Variants in TUSC3 observed in about 807,000 individuals in gnomAD.
TUSC3 encodes the protein tumor suppressor candidate 3, also known as dolichyl-diphosphooligosaccharide--protein glycosyltransferase subunit TUSC3.
A neutral mutation model predicts 44.8 loss-of-function variants in TUSC3; 45 were observed. The observed-to-expected ratio is 1.00, with a 90% CI of 0.79 to 1.29. The LOEUF is 1.29. TUSC3 is among the 50% of genes most tolerant of loss of function. The pLI is 0.00. For missense variants in TUSC3, 519 were observed against 437.9 expected (o/e 1.19, Z -1.65); for synonymous variants, 212 against 152.9 (o/e 1.39, Z -2.85).
chr8:15,682,814 T>TC (rs201016620), intron 6 of TUSC3, among the ~76,000 whole-genome samples: 2 of 151,804 alleles, frequency 1.3e-5, no homozygotes, highest in Non-Finnish European at 2.9e-5. Flanking sequence ...GAACTTTCTT[T>TC]TTTTTTTTTT....
intron 1 of TUSC3, among the ~76,000 whole-genome samples, chr8:15,428,280 C>T (rs74947326): frequency 2.6e-5 from 4 of 151,854 alleles, no homozygotes; most frequent in African/African-American, 9.7e-5. Context: ...TCATCGATGT[C>T]CCTACAAAGG....
intron 1 of TUSC3, among the ~76,000 whole-genome samples, chr8:15,454,278 C>A (rs1159554451): frequency 6.6e-6 from 1 of 152,194 alleles, no homozygotes; most frequent in Non-Finnish European, 1.5e-5. Context: ...TATTCCTGAT[C>A]TAAAGCTTCT....
intron 1 of TUSC3, among the ~76,000 whole-genome samples, chr8:15,439,218 C>G (rs185377084): frequency 0.013 from 2,049 of 152,252 alleles, 31 homozygotes; most frequent in South Asian, 0.029. Flanking sequence ...CCCAGGAAAC[C>G]CAGTGATGCA....
chr8:15,516,654 A>G (rs1801219726), intron 2 of TUSC3, among the ~76,000 whole-genome samples: 3 of 152,166 alleles, frequency 2.0e-5, no homozygotes, highest in South Asian at 2.1e-4. Flanking sequence ...CATTCACACT[A>G]CTATTAACCA....
At chr8:15,459,416 A>G (rs1006716516) in intron 1 of TUSC3, among the ~76,000 whole-genome samples, 1 of 152,124 alleles carries the variant, frequency 6.6e-6, no homozygotes, top group Non-Finnish European at 1.5e-5. Flanking sequence ...TTTAACCAAT[A>G]AAATAAAGCA....
intron 9 of TUSC3, among the ~76,000 whole-genome samples, chr8:15,750,240 A>G (rs759242364): frequency 1.8e-4 from 28 of 152,146 alleles, no homozygotes; most frequent in Middle Eastern, 3.4e-3. Context: ...CGGCCTCCCA[A>G]AGTGCTGGGA....
At chr8:15,804,052 T>G in the TUSC3 span, among the ~76,000 whole-genome samples, 3 of 152,226 alleles carry the variant, frequency 2.0e-5, no homozygotes, top group Non-Finnish European at 4.4e-5. Flanking sequence ...TATAATCCTT[T>G]GGGTATATAT....
chr8:15,800,956 G>A, the TUSC3 span, among the ~76,000 whole-genome samples: 8 of 152,124 alleles, frequency 5.3e-5, no homozygotes, highest in Admixed American at 3.9e-4. Context: ...TATTTATTGA[G>A]CTCTTATTAC....
intron 1 of TUSC3, among the ~76,000 whole-genome samples, chr8:15,601,990 T>A (rs951024686): frequency 6.6e-6 from 1 of 151,600 alleles, no homozygotes; most frequent in African/African-American, 2.4e-5. Flanking sequence ...TTGTATCAAT[T>A]GAGCATCCCT....
intron 2 of TUSC3, among the ~76,000 whole-genome samples, chr8:15,516,750 A>T (rs1050409109): frequency 6.6e-6 from 1 of 152,200 alleles, no homozygotes; most frequent in Admixed American, 6.5e-5. Flanking sequence ...TACTCCTGTA[A>T]TGTTTGTTGA....
intron 3 of TUSC3, among the ~76,000 whole-genome samples, chr8:15,657,609 C>A (rs991772798): frequency 6.6e-6 from 1 of 152,158 alleles, no homozygotes; most frequent in African/African-American, 2.4e-5. Context: ...TTGCACCTCC[C>A]CTCTTCTTCT....
At chr8:15,455,394 T>C (rs1800241109) in intron 1 of TUSC3, among the ~76,000 whole-genome samples, 1 of 152,156 alleles carries the variant, frequency 6.6e-6, no homozygotes, top group Non-Finnish European at 1.5e-5. Flanking sequence ...TGTGTGTGTA[T>C]ATTTATGTAT....
At chr8:15,490,375 G>A (rs1019733058) in intron 2 of TUSC3, among the ~76,000 whole-genome samples, 5 of 152,142 alleles carry the variant, frequency 3.3e-5, no homozygotes, top group Admixed American at 1.3e-4. Flanking sequence ...CAAGACGGAG[G>A]AGGAGGAGAA....
the TUSC3 span, among the ~76,000 whole-genome samples, chr8:15,824,412 T>C: frequency 6.6e-6 from 1 of 152,090 alleles, no homozygotes; most frequent in East Asian, 1.9e-4. Flanking sequence ...CTAGGACTCT[T>C]AAAAATCTAT....
chr8:15,625,082 A>G (rs1181880880), intron 2 of TUSC3, among the ~76,000 whole-genome samples: 2 of 152,130 alleles, frequency 1.3e-5, no homozygotes, highest in Non-Finnish European at 2.9e-5. Flanking sequence ...GTGCTGCATT[A>G]AAAAAATTTT....
chr8:15,838,925 T>G, the TUSC3 span, among the ~76,000 whole-genome samples: 2 of 152,150 alleles, frequency 1.3e-5, no homozygotes, highest in Non-Finnish European at 2.9e-5. Context: ...GGGGATGGCA[T>G]TGAATCTATA....
intron 1 of TUSC3, among the ~76,000 whole-genome samples, chr8:15,432,391 T>G (rs905279607): frequency 6.6e-6 from 1 of 152,176 alleles, no homozygotes; most frequent in African/African-American, 2.4e-5. Context: ...CTTGCTTACT[T>G]ACATTTCCCA....
At chr8:15,738,498 T>A (rs1811031066) in intron 7 of TUSC3, among the ~76,000 whole-genome samples, 1 of 152,164 alleles carries the variant, frequency 6.6e-6, no homozygotes. Context: ...TTCATTTACG[T>A]ATTGCCTGTG....
intron 2 of TUSC3, among the ~76,000 whole-genome samples, chr8:15,495,104 A>G (rs143862401): frequency 6.0e-4 from 92 of 152,274 alleles, no homozygotes; most frequent in African/African-American, 2.2e-3. Context: ...TTATGATGGC[A>G]TAGTATTCCC....
Sources: gnomAD v4.1 joint callset for allele counts (sites outside exome capture counted in the v4.1 genomes callset) on GRCh38, gnomAD v4.1.1 for gene constraint, MANE v1.5 for transcripts, NCBI Gene and HGNC (gene_info 2026-07-23, HGNC 2026-07-21) for gene names.